DAG1: variants seen among roughly 807,000 people sequenced by gnomAD.
The protein encoded by DAG1 is dystroglycan 1 (dystrophin-associated glycoprotein 1).
A neutral mutation model predicts 46.1 loss-of-function variants in DAG1; 8 were observed. The ratio of observed to expected loss-of-function variants is 0.17; its 90% CI spans 0.10 to 0.31. The LOEUF is 0.31. Ranked by LOEUF, DAG1 falls within the 10% of genes least tolerant of loss-of-function variation. The pLI is 1.00. For synonymous variants in DAG1, 495 were observed against 481.8 expected, an observed-to-expected ratio of 1.03 and a Z score of -0.36; for missense variants, 1,003 against 1,189.9, an observed-to-expected ratio of 0.84 and a Z score of 2.31.
chr3:49,492,137 G>A (rs2050206390), intron 1 of DAG1, among the ~76,000 whole-genome samples: 1 of 151,494 alleles, frequency 6.6e-6, no homozygotes, highest in African/African-American at 2.4e-5. Context: ...ATGTTGGTCA[G>A]GCTGTTCTCG....
At chr3:49,506,987 A>C (rs182618995) in intron 1 of DAG1, among the ~76,000 whole-genome samples, 1 of 152,124 alleles carries the variant, frequency 6.6e-6, no homozygotes, top group Non-Finnish European at 1.5e-5. Flanking sequence ...AAATAAGTAA[A>C]AAGTTAAATA....
chr3:49,500,044 G>C (rs905975654), intron 1 of DAG1, among the ~76,000 whole-genome samples: 2 of 143,782 alleles, frequency 1.4e-5, no homozygotes, highest in Non-Finnish European at 3.0e-5. Context: ...GTGTGATCTT[G>C]GCTCACTGTA....
chr3:49,529,030 T>C (rs2051269948), intron 2 of DAG1, among the ~76,000 whole-genome samples: 1 of 151,992 alleles, frequency 6.6e-6, no homozygotes, highest in South Asian at 2.1e-4. Context: ...TTTGTACTTT[T>C]AGTAGAGATG....
At position 49,531,648 on chromosome 3, in the gene DAG1, C is replaced by T; in HGVS notation, c.1137C>T (p.Thr379=). ...TIRTRGAIIQ[T]PTLGPIQPTR... ...GGACTCGAGGCGCCATTATTCAAAC[C>T]CCAACCCTAGGCCCCATCCAGCCTA... Residue 379 remains threonine (T), a synonymous_variant, in exon 3 of 3, where the codon ACC becomes ACT. Transcript: ENST00000308775. The surrounding 1 kb of genome is among the most constrained non-coding windows in gnomAD (Gnocchi z 7.0). The T allele has an allele frequency of 6.2e-7, 1 of 1,612,968 alleles. No individual in the cohort carries two copies. Among genetic ancestry groups the T allele is most frequent in the Non-Finnish European group, 8.5e-7 (1 of 1,179,056 alleles).
At chr3:49,495,171 C>A (rs903076775) in intron 1 of DAG1, among the ~76,000 whole-genome samples, 12 of 152,210 alleles carry the variant, frequency 7.9e-5, no homozygotes, top group Middle Eastern at 3.4e-3. Flanking sequence ...CCCCACTGTA[C>A]CTTTGTACTG....
intron 1 of DAG1, among the ~76,000 whole-genome samples, chr3:49,509,126 G>A (rs2050692910): frequency 1.3e-5 from 2 of 152,040 alleles, no homozygotes; most frequent in African/African-American, 4.8e-5. Context: ...TTTTTAAAAA[G>A]TAAATCCAGA....
chr3:49,480,405 A>G (rs1025643708), intron 1 of DAG1, among the ~76,000 whole-genome samples: 1 of 150,146 alleles, frequency 6.7e-6, no homozygotes, highest in African/African-American at 2.5e-5. Flanking sequence ...CCTCCCGAGT[A>G]GCTGGGACTA....
chr3:49,501,244 G>T (rs2050441958), intron 1 of DAG1, among the ~76,000 whole-genome samples: 1 of 152,134 alleles, frequency 6.6e-6, no homozygotes, highest in African/African-American at 2.4e-5. Flanking sequence ...ATAACTGACT[G>T]TTTTTAAATA....
At chr3:49,480,137 A>G (rs2049832037) in intron 1 of DAG1, among the ~76,000 whole-genome samples, 1 of 115,206 alleles carries the variant, frequency 8.7e-6, no homozygotes, top group East Asian at 2.4e-4. Context: ...TTTTTTTAGT[A>G]GAGGCTGGGT....
intron 2 of DAG1, among the ~76,000 whole-genome samples, chr3:49,528,912 G>A (rs1348691652): frequency 2.0e-5 from 3 of 150,374 alleles, no homozygotes; most frequent in South Asian, 2.1e-4. Context: ...TTGCAGTGGC[G>A]TGATCTCAGT....
rs532304802 is a variant in DAG1, at chr3:49,508,363, G to A, written c.-116-2056G>A. Among the ~76,000 whole-genome samples the A allele has an allele frequency of 9.3e-4, 141 of 151,290 alleles. 1 individual carries two copies. Among genetic ancestry groups the A allele is most frequent in the Admixed American group, 1.1e-3 (17 of 15,164 alleles). On this transcript the variant is annotated intron_variant, in intron 1 of 2. Coordinates refer to ENST00000308775, the MANE Select transcript of DAG1 (RefSeq NM_004393.6). The stretch of plus-strand genomic sequence containing the variant: ...ATTACAGGTGCCTGCCACCACACCC[G>A]GCTAATTTTTGTATTTGTATTTGTT...
intron 2 of DAG1, among the ~76,000 whole-genome samples, chr3:49,513,148 G>A (rs1272386292): frequency 6.6e-6 from 1 of 152,080 alleles, no homozygotes; most frequent in Non-Finnish European, 1.5e-5. Flanking sequence ...ACTAGGTAGA[G>A]TGGCTCACCT....
intron 1 of DAG1, among the ~76,000 whole-genome samples, chr3:49,500,009 C>G (rs1365984688): frequency 1.3e-5 from 2 of 148,544 alleles, no homozygotes; most frequent in Admixed American, 1.4e-4. Context: ...GAATCTTGCT[C>G]TGTCGCCCAG....
At chr3:49,481,792 T>C (rs1176218492) in intron 1 of DAG1, among the ~76,000 whole-genome samples, 2 of 152,212 alleles carry the variant, frequency 1.3e-5, no homozygotes, top group Non-Finnish European at 2.9e-5. Flanking sequence ...TTTCTATAGA[T>C]GTTGTTTTTG....
At chr3:49,530,191 C>T (rs1472286095) in intron 2 of DAG1, among the ~76,000 whole-genome samples, 2 of 152,210 alleles carry the variant, frequency 1.3e-5, no homozygotes, top group African/African-American at 2.4e-5. Flanking sequence ...ATACAACTAA[C>T]TCTCTTTGCT....
At chr3:49,511,152 C>CA (rs1301454419) in intron 2 of DAG1, among the ~76,000 whole-genome samples, 1 of 152,014 alleles carries the variant, frequency 6.6e-6, no homozygotes, top group Non-Finnish European at 1.5e-5. Flanking sequence ...AGTTAAACCC[C>CA]AAAAAATAGG....
intron 1 of DAG1, among the ~76,000 whole-genome samples, chr3:49,477,917 C>G (rs919648671): frequency 1.3e-5 from 2 of 149,566 alleles, no homozygotes; most frequent in Non-Finnish European, 3.0e-5. Context: ...AGCTGAGATC[C>G]TGCCATCACA....
intron 2 of DAG1, among the ~76,000 whole-genome samples, chr3:49,523,470 T>A (rs890813684): frequency 1.2e-4 from 19 of 152,196 alleles, no homozygotes; most frequent in Admixed American, 3.9e-4. Flanking sequence ...CCTTAGTGTT[T>A]TCATCTACTT....
intron 1 of DAG1, among the ~76,000 whole-genome samples, chr3:49,485,265 G>T (rs531955181): frequency 1.3e-5 from 2 of 150,708 alleles, no homozygotes; most frequent in Admixed American, 1.3e-4. Flanking sequence ...GTGAGCCACC[G>T]CACCCGGCCA....
Sources: gnomAD v4.1 joint callset for allele counts (sites outside exome capture counted in the v4.1 genomes callset) on GRCh38, gnomAD v4.1.1 for gene constraint, Gnocchi (gnomAD v3.1) non-coding constraint, MANE v1.5 for transcripts, NCBI Gene and HGNC (gene_info 2026-07-23, HGNC 2026-07-21) for gene names.